ZNF43: variants seen among roughly 807,000 people sequenced by gnomAD.
ZNF43 encodes the protein zinc finger protein 43, also known as zinc finger protein 39-like 1 (KOX 27).
Under a neutral mutation model 68.4 loss-of-function variants are expected in ZNF43, and 44 were observed. That is an observed-to-expected ratio of 0.64 (90% confidence interval 0.51 to 0.83). The LOEUF (loss-of-function observed/expected upper bound fraction) is 0.83. ZNF43 is among the 40% of genes least tolerant of loss of function. ZNF43 has a pLI of 0.00. For synonymous variants in ZNF43, 308 were observed against 307.8 expected (o/e 1.00, Z -0.01); for missense variants, 896 against 933.2 (o/e 0.96, Z 0.52).
chr19:21,812,682 G>A (rs2037335665), intron 3 of ZNF43, among the ~76,000 whole-genome samples: 1 of 152,026 alleles, frequency 6.6e-6, no homozygotes, highest in South Asian at 2.1e-4. Flanking sequence ...TAGGTACAGT[G>A]GCTCACATCT....
intron 1 of ZNF43, chr19:21,851,473 G>C (rs111526336): frequency 0.033 from 5,019 of 151,568 alleles, 296 homozygotes; most frequent in African/African-American, 0.12. Context: ...ACCTGGAGGC[G>C]AGGTTGCAGT....
chr19:21,822,310 GTGTA>G (rs1395876456), intron 1 of ZNF43, among the ~76,000 whole-genome samples: 1 of 73,734 alleles, frequency 1.4e-5, no homozygotes, highest in African/African-American at 5.1e-5. Flanking sequence ...CTTAACTCTT[GTGTA>G]TGTATCTTGA....
intron 3 of ZNF43, among the ~76,000 whole-genome samples, chr19:21,814,175 C>T (rs2037409901): frequency 6.6e-6 from 1 of 151,386 alleles, no homozygotes; most frequent in African/African-American, 2.4e-5. Flanking sequence ...TAAAAAATTA[C>T]CCTCAAATTA....
At chr19:21,851,886 C>T (rs957073476) in intron 1 of ZNF43, 1 of 1,571,182 alleles carries the variant, frequency 6.4e-7, no homozygotes, top group Non-Finnish European at 8.6e-7. Flanking sequence ...TCTCGGGATG[C>T]CTAACCCCGC....
chr19:21,823,974 G>A (rs914990998), intron 1 of ZNF43, among the ~76,000 whole-genome samples: 2 of 152,118 alleles, frequency 1.3e-5, no homozygotes, highest in African/African-American at 4.8e-5. Context: ...CACGAGGTCA[G>A]ATCAAGACCA....
intron 1 of ZNF43, chr19:21,851,375 AAAAT>A (rs2046234343): frequency 6.6e-6 from 1 of 151,908 alleles, no homozygotes; most frequent in South Asian, 2.1e-4. Context: ...TAAAAATAAA[AAAAT>A]AAATAAATAA....
intron 2 of ZNF43, 61 bp downstream of exon 2, chr19:21,819,034 C>A: frequency 6.4e-7 from 1 of 1,558,742 alleles, no homozygotes; most frequent in Non-Finnish European, 8.6e-7. Context: ...AAACAGTCTA[C>A]AGAAAACAAA....
intron 1 of ZNF43, chr19:21,841,197 T>C (rs930173773): frequency 6.6e-6 from 1 of 152,256 alleles, no homozygotes; most frequent in Non-Finnish European, 1.5e-5. Context: ...ATCTCTGCTA[T>C]GGACTGGTTT....
chr19:21,829,240 A>G (rs2038308223), intron 1 of ZNF43, among the ~76,000 whole-genome samples: 1 of 151,808 alleles, frequency 6.6e-6, no homozygotes, highest in Non-Finnish European at 1.5e-5. Context: ...AAAAAAAACA[A>G]AAAACACCAC....
intron 1 of ZNF43, among the ~76,000 whole-genome samples, chr19:21,831,551 G>A (rs980186250): frequency 6.6e-5 from 10 of 152,082 alleles, no homozygotes; most frequent in Non-Finnish European, 1.3e-4. Flanking sequence ...AGTAGAGACA[G>A]GGTTTCATCA....
chr19:21,843,237 C>T (rs779472717), intron 1 of ZNF43: 16 of 297,036 alleles, frequency 5.4e-5, no homozygotes, highest in Non-Finnish European at 7.4e-5. Flanking sequence ...CTGGGTCCAG[C>T]GATATGTCAC....
intron 1 of ZNF43, among the ~76,000 whole-genome samples, chr19:21,834,458 A>C (rs1169941624): frequency 6.6e-6 from 1 of 152,102 alleles, no homozygotes; most frequent in Non-Finnish European, 1.5e-5. Flanking sequence ...AAATATTTTC[A>C]AATAGAAAAC....
At chr19:21,823,915 T>C (rs1309303978) in intron 1 of ZNF43, among the ~76,000 whole-genome samples, 4 of 152,152 alleles carry the variant, frequency 2.6e-5, no homozygotes, top group African/African-American at 4.8e-5. Flanking sequence ...CCAGGCGCAG[T>C]GGCTCACGAA....
intron 1 of ZNF43, among the ~76,000 whole-genome samples, chr19:21,847,822 G>C (rs182096587): frequency 1.3e-5 from 2 of 152,234 alleles, no homozygotes; most frequent in Admixed American, 6.5e-5. Flanking sequence ...CCAACAATAT[G>C]TAACAATTTC....
At chr19:21,840,969 C>G (rs1204419939), upstream of ZNF43, 1 of 152,182 alleles carries the variant, frequency 6.6e-6, no homozygotes, top group Non-Finnish European at 1.5e-5. Context: ...TTACATATGA[C>G]AGTCACAATT....
At position 21,808,958 on chromosome 19, in the gene ZNF43, T is replaced by C. The variant is rs774210252; in HGVS notation, c.1079A>G (p.His360Arg). Residue 360 changes from histidine to arginine, a missense_variant, in exon 4 of 4, where the codon CAT (histidine) becomes CGT (arginine). His to Arg is a conservative substitution (Grantham distance 29). Coordinates refer to ENST00000354959, the MANE Select transcript of ZNF43 (RefSeq NM_003423.4). ...TTTCTCTGCAGTATGGATTCTCTTA[T>C]GTGTAGTAAGGTTTGAGAACTGGTT... ...AFNQFSNLTT[H>R]KRIHTAEKFY... The C allele has an allele frequency of 3.7e-6, 6 of 1,613,840 alleles. No homozygotes were observed. Among genetic ancestry groups the C allele is most frequent in the South Asian group, 1.1e-5 (1 of 91,082 alleles).
At chr19:21,818,019 T>A (rs1407238193) in intron 2 of ZNF43, 33 bp from the exon 3 acceptor site, 2 of 1,584,568 alleles carry the variant, frequency 1.3e-6, no homozygotes, top group Non-Finnish European at 1.7e-6. Context: ...ACGTGAATCT[T>A]GCTCATATTC....
At position 21,807,461 on chromosome 19, in the gene ZNF43, C is replaced by T. The variant is rs6511296; in HGVS notation, c.*146G>A. 739,683 of 759,316 alleles carry T rather than the reference C, an allele frequency of 0.97. 360,710 individuals carry two copies. The highest frequency in any genetic ancestry group is 0.99 in the East Asian group (35,858 of 36,054). The allele number at this position is 759,316 out of a possible 1,614,324, so 47.0% of individuals were successfully genotyped here. On this transcript the variant is annotated 3_prime_UTR_variant, in exon 4 of 4. Transcript: ENST00000354959. ...AAATTCTTTCCTGTGCAATAAGGTA[C>T]GAGCATTAATTAAAAGTTTTGCCAC...
intron 3 of ZNF43, 68 bp downstream of exon 3, chr19:21,817,820 A>T: frequency 2.0e-6 from 3 of 1,464,706 alleles, no homozygotes; most frequent in Non-Finnish European, 2.8e-6. Context: ...CATTTTAAGG[A>T]CTGGCTTTCC....
Sources: allele counts gnomAD v4.1 joint callset (sites outside exome capture counted in the v4.1 genomes callset), GRCh38; gene constraint gnomAD v4.1.1; transcripts MANE v1.5; gene names NCBI Gene and HGNC (gene_info 2026-07-23, HGNC 2026-07-21).